The following MRC2 variants were observed in gnomAD, a reference collection of about 807,000 sequenced individuals.
The protein encoded by MRC2 is mannose receptor C-type 2.
MRC2 carries 84 observed loss-of-function variants against 206.2 expected under a neutral mutation model. The ratio of observed to expected loss-of-function variants is 0.41; its 90% CI spans 0.34 to 0.49. The LOEUF (loss-of-function observed/expected upper bound fraction) is 0.49. MRC2 is among the 20% of genes least tolerant of loss of function. The probability of loss-of-function intolerance (pLI) is 0.31; values close to 1 mark genes in which losing one functional copy is unlikely to be tolerated. For missense variants in MRC2, 1,676 were observed against 2,001.5 expected (o/e 0.84, Z 3.10); for synonymous variants, 798 against 800.0 (o/e 1.00, Z 0.04).
Position 62,680,442 on chromosome 17 carries a change from A to G in MRC2, c.2462A>G (p.Asp821Gly), listed in dbSNP as rs995716073. 6.2e-7 allele frequency: 1 copy of G among 1,614,074 alleles called. No individual in the cohort carries two copies. The highest frequency in any genetic ancestry group is 8.5e-7 in the Non-Finnish European group (1 of 1,179,998). ...GGTACGGACGTGCGGGAGCCCGACG[A>G]CAGCCCTCAAGGTGAGCACCCCCCA... ...PRGTDVREPD[D>G]SPQGRREWLR... The change falls in exon 16 of 30, where the codon GAC becomes GGC. Residue 821 changes from aspartate (D) to glycine (G), a missense_variant. Physicochemically the swap from Asp to Gly is moderately conservative, Grantham distance 94. This residue lies in a region of MRC2 where 1,354 missense variants were observed against 1,636.6 expected (regional missense o/e 0.83). Transcript: ENST00000303375. This position sits in a 1 kb window ranked among gnomAD's most constrained non-coding sequence, Gnocchi z 4.8.
At chr17:62,661,169 A>G (rs2088674922) in intron 1 of MRC2, among the ~76,000 whole-genome samples, 1 of 152,242 alleles carries the variant, frequency 6.6e-6, no homozygotes, top group African/African-American at 2.4e-5. Flanking sequence ...GTGGAGTAAC[A>G]AGATTTGAGA....
chr17:62,683,639 G>T (rs1191094571), intron 20 of MRC2, among the ~76,000 whole-genome samples: 1 of 151,242 alleles, frequency 6.6e-6, no homozygotes, highest in Non-Finnish European at 1.5e-5. Context: ...TGAGGCAGGA[G>T]GATGACTTGA....
rs77317076 is a variant in MRC2 at position 62,635,247 on chromosome 17, G to A, written c.118+7327G>A. ...CCTCAATCAGAGGCATTACTTCTTC[G>A]TGACACTTTGCTAACTACTGTAAGT... On this transcript the variant is annotated intron_variant, in intron 1 of 29. Transcript: ENST00000303375. Among the ~76,000 whole-genome samples, 803 of 118,950 alleles carry A rather than the reference G, an allele frequency of 6.8e-3. 11 individuals are homozygous for A. The highest frequency in any genetic ancestry group is 0.049 in the Admixed American group (464 of 9,490). The allele number at this position is 118,950 out of a possible 152,430, so 78.0% of individuals were successfully genotyped here.
chr17:62,666,203 C>T lies in MRC2; in HGVS notation c.630C>T (p.His210=). The T allele has an allele frequency of 2.5e-6, 4 of 1,604,112 alleles. No homozygotes were observed. Among genetic ancestry groups the T allele is most frequent in the Non-Finnish European group, 3.4e-6 (4 of 1,175,528 alleles). ...GCTSTGREDG[H]LWCATTQDYG... is the part of the protein sequence containing the mutation. The stretch of plus-strand genomic sequence containing the variant: ...CCAGCACGGGCCGCGAGGATGGTCA[C>T]CTGTGGTGTGCCACCACCCAGGACT... Residue 210 remains histidine, a synonymous_variant, in exon 3 of 30, where the codon CAC becomes CAT. Transcript: ENST00000303375. The surrounding 1 kb of genome is among the most constrained non-coding windows in gnomAD (Gnocchi z 5.0).
intron 1 of MRC2, among the ~76,000 whole-genome samples, chr17:62,628,525 C>T (rs2084189217): frequency 1.3e-5 from 2 of 152,218 alleles, no homozygotes; most frequent in Admixed American, 6.5e-5. Flanking sequence ...TGAGGAGGCT[C>T]CTGCCACTGG....
Position 62,671,362 on chromosome 17 carries a change from T to C in MRC2, c.1118-287T>C, listed in dbSNP as rs1477303765. On this transcript the variant is annotated intron_variant, in intron 6 of 29. Coordinates refer to ENST00000303375, the MANE Select transcript of MRC2 (RefSeq NM_006039.5). The surrounding 1 kb of genome is among the most constrained non-coding windows in gnomAD (Gnocchi z 4.5). ...CTGGGATTACAGGCCTGAGCCACCA[T>C]GCCTGGCCCACCCATCGTATTCTGA... Among the ~76,000 whole-genome samples the C allele has an allele frequency of 6.6e-6, 1 of 152,210 alleles. No homozygotes were observed. The highest frequency in any genetic ancestry group is 1.5e-5 in the Non-Finnish European group (1 of 68,032).
chr17:62,689,804 G>A (rs2089081650), intron 24 of MRC2, 44 bp downstream of exon 24: 9 of 1,530,816 alleles, frequency 5.9e-6, no homozygotes, highest in East Asian at 2.4e-5. Context: ...CCTTGCCCGG[G>A]TTCCCCTCCC....
chr17:62,637,616 G>C (rs146928238), intron 1 of MRC2, among the ~76,000 whole-genome samples: 126 of 151,630 alleles, frequency 8.3e-4, no homozygotes, highest in African/African-American at 2.9e-3. Context: ...GCTCCTTACC[G>C]TTCCCATAGC....
chr17:62,647,794 G>T (rs951467866), intron 1 of MRC2, among the ~76,000 whole-genome samples: 4 of 152,100 alleles, frequency 2.6e-5, no homozygotes, highest in South Asian at 2.1e-4. Context: ...CAGCAAAAAG[G>T]TTGCCCCACT....
chr17:62,669,085 A>AACACACAC (rs72222842), intron 6 of MRC2, among the ~76,000 whole-genome samples: 96 of 143,162 alleles, frequency 6.7e-4, no homozygotes, highest in African/African-American at 1.4e-3. Context: ...AAAATATGGC[A>AACACACAC]ACACACACAC....
In MRC2 at chr17:62,682,582, C is replaced by T. The variant is rs137980518; in HGVS notation, c.2946+205C>T. The stretch of plus-strand genomic sequence containing the variant: ...ACTGTAGTAGCACCTTCCAATCCTC[C>T]GGGAAGCAAGGTTGTCCAAATAATT... On this transcript the variant is annotated intron_variant, in intron 20 of 29. Coordinates refer to ENST00000303375, the MANE Select transcript of MRC2 (RefSeq NM_006039.5). Among the ~76,000 whole-genome samples the T allele has an allele frequency of 3.8e-3, 577 of 152,254 alleles. 5 individuals carry two copies. The highest frequency in any genetic ancestry group is 0.013 in the African/African-American group (550 of 41,542).
At position 62,671,541 on chromosome 17, in the gene MRC2, G is replaced by T; in HGVS notation, c.1118-108G>T. On this transcript the variant is annotated intron_variant, in intron 6 of 29. Coordinates refer to ENST00000303375, the MANE Select transcript of MRC2 (RefSeq NM_006039.5). The surrounding 1 kb of genome is among the most constrained non-coding windows in gnomAD (Gnocchi z 4.5). ...GACCGGGATTGATCTGGGAGAGTTT[G>T]GAGAGGAGGTGACTGGGAGGCCTCG... 4.0e-6 allele frequency: 4 copies of T among 993,306 alleles called. No individual in the cohort carries two copies. The highest frequency in any genetic ancestry group is 5.8e-6 in the Non-Finnish European group (4 of 684,770). The allele number at this position is 993,306 out of a possible 1,614,324, so 61.5% of individuals were successfully genotyped here. A position where few individuals can be genotyped will look rare whatever the true frequency, so the allele number is the denominator to read the frequency against.
chr17:62,660,314 G>C (rs1051539201), intron 1 of MRC2, among the ~76,000 whole-genome samples: 1 of 152,156 alleles, frequency 6.6e-6, no homozygotes, highest in African/African-American at 2.4e-5. Context: ...AACATTGAGA[G>C]GAAATGTTAG....
Position 62,667,300 on chromosome 17 carries a change from A to G in MRC2, c.974-90A>G. 2 of 1,470,418 alleles carry G rather than the reference A, an allele frequency of 1.4e-6. No homozygotes were observed. The highest frequency in any genetic ancestry group is 1.8e-6 in the Non-Finnish European group (2 of 1,103,762). The allele number at this position is 1,470,418 out of a possible 1,614,324, so 91.1% of individuals were successfully genotyped here. On this transcript the variant is annotated intron_variant, in intron 5 of 29. Coordinates refer to ENST00000303375, the MANE Select transcript of MRC2 (RefSeq NM_006039.5). This position sits in a 1 kb window ranked among gnomAD's most constrained non-coding sequence, Gnocchi z 4.1. ...AACTGGCTCAGGCTTCCGAGGGAGC[A>G]GAGGGAGGTAGGAGGTTCTGAGCAG...
At chr17:62,660,497 T>C (rs2088667503) in intron 1 of MRC2, among the ~76,000 whole-genome samples, 1 of 152,210 alleles carries the variant, frequency 6.6e-6, no homozygotes. Flanking sequence ...AAAATTTAAG[T>C]TCCACCAAGT....
At chr17:62,653,165 C>T (rs572072750) in intron 1 of MRC2, among the ~76,000 whole-genome samples, 1 of 152,262 alleles carries the variant, frequency 6.6e-6, no homozygotes, top group South Asian at 2.1e-4. Flanking sequence ...GTAGCGCGGC[C>T]GCTCTCCAGT....
In MRC2 at chr17:62,664,342, CTCT is replaced by C. The variant is rs993905808; in HGVS notation, c.119-205_119-203del. 1.3e-5 allele frequency among the ~76,000 whole-genome samples: 2 copies of C among 152,176 alleles called. No individual in the cohort carries two copies. The highest frequency in any genetic ancestry group is 4.8e-5 in the African/African-American group (2 of 41,458). On this transcript the variant is annotated intron_variant, in intron 1 of 29. Coordinates refer to ENST00000303375, the MANE Select transcript of MRC2 (RefSeq NM_006039.5). This position sits in a 1 kb window ranked among gnomAD's most constrained non-coding sequence, Gnocchi z 4.7. ...CTAGAACAGAGGTAGTCCTGCAGGC[CTCT>C]GCCTCATCTGGGCACAAGGGCTTAG...
chr17:62,680,131 G>T lies in MRC2; in HGVS notation c.2299-39G>T. Reference sequence around the variant, plus strand: ...CGGGCATGGGGGCGGCCTGCACCTTGCGCCTCACGTTCCTCTTCCCTCCAC... The same window carrying T: ...CGGGCATGGGGGCGGCCTGCACCTTTCGCCTCACGTTCCTCTTCCCTCCAC... On this transcript the variant is annotated intron_variant, in intron 14 of 29. Coordinates refer to ENST00000303375, the MANE Select transcript of MRC2 (RefSeq NM_006039.5). The surrounding 1 kb of genome is among the most constrained non-coding windows in gnomAD (Gnocchi z 4.8). 1 of 1,613,032 alleles carries T rather than the reference G, an allele frequency of 6.2e-7. No homozygotes were observed. The highest frequency in any genetic ancestry group is 8.5e-7 in the Non-Finnish European group (1 of 1,179,470).
chr17:62,644,997 A>G (rs1225285535), intron 1 of MRC2, among the ~76,000 whole-genome samples: 2 of 152,178 alleles, frequency 1.3e-5, no homozygotes, highest in Admixed American at 6.6e-5. Flanking sequence ...GCTGTCATAC[A>G]CGTTTGCTTT....
Sources: gnomAD v4.1 joint callset for allele counts (sites outside exome capture counted in the v4.1 genomes callset) on GRCh38, gnomAD v4.1.1 for gene constraint, gnomAD v4.1.1 regional missense constraint, Gnocchi (gnomAD v3.1) non-coding constraint, MANE v1.5 for transcripts, NCBI Gene and HGNC (gene_info 2026-07-23, HGNC 2026-07-21) for gene names.